The following PCDH7 variants were observed in gnomAD, a reference collection of about 807,000 sequenced individuals.
PCDH7 encodes the protein protocadherin 7.
PCDH7 carries 17 observed loss-of-function variants against 58.9 expected under a neutral mutation model. The ratio of observed to expected loss-of-function variants is 0.29; its 90% CI spans 0.20 to 0.43. The LOEUF (loss-of-function observed/expected upper bound fraction) is 0.43. Ranked by LOEUF, PCDH7 falls within the 20% of genes least tolerant of loss-of-function variation. PCDH7 has a pLI of 1.00. For synonymous variants in PCDH7, 664 were observed against 616.4 expected, an observed-to-expected ratio of 1.08 and a Z score of -1.14; for missense variants, 1,274 against 1,441.0, an observed-to-expected ratio of 0.88 and a Z score of 1.88.
intron 1 of PCDH7, among the ~76,000 whole-genome samples, chr4:30,810,602 C>T (rs955046642): frequency 1.3e-5 from 2 of 149,174 alleles, no homozygotes; most frequent in East Asian, 1.9e-4. Flanking sequence ...TTTTAAAAAA[C>T]GTCTTCTCAT....
At chr4:30,820,845 T>C (rs1195591479) in intron 1 of PCDH7, among the ~76,000 whole-genome samples, 1 of 152,140 alleles carries the variant, frequency 6.6e-6, no homozygotes, top group African/African-American at 2.4e-5. Flanking sequence ...AAATGCAATG[T>C]TCATAAATTA....
chr4:31,102,395 G>C (rs1715004524), intron 3 of PCDH7, among the ~76,000 whole-genome samples: 1 of 151,978 alleles, frequency 6.6e-6, no homozygotes, highest in African/African-American at 2.4e-5. Context: ...TAGATTTAAC[G>C]TGAAAATGAA....
At chr4:30,944,957 A>T (rs2109440640) in intron 2 of PCDH7, among the ~76,000 whole-genome samples, 1 of 152,218 alleles carries the variant, frequency 6.6e-6, no homozygotes, top group East Asian at 1.9e-4. Flanking sequence ...CAATTAAGCA[A>T]AATATTATAC....
At chr4:30,789,109 A>T (rs1025149743) in intron 1 of PCDH7, among the ~76,000 whole-genome samples, 1 of 152,122 alleles carries the variant, frequency 6.6e-6, no homozygotes, top group African/African-American at 2.4e-5. Flanking sequence ...CTGAGGTATA[A>T]GTTATCGTGT....
At chr4:30,949,959 GT>G (rs1747182747) in intron 2 of PCDH7, among the ~76,000 whole-genome samples, 1 of 152,114 alleles carries the variant, frequency 6.6e-6, no homozygotes, top group Non-Finnish European at 1.5e-5. Context: ...ATACTAATTT[GT>G]TTAGATTGTC....
chr4:31,135,748 CAT>C (rs900583996), intron 3 of PCDH7, among the ~76,000 whole-genome samples: 1 of 152,128 alleles, frequency 6.6e-6, no homozygotes, highest in African/African-American at 2.4e-5. Context: ...TATAGTAAAA[CAT>C]ATGAATATTC....
intron 3 of PCDH7, among the ~76,000 whole-genome samples, chr4:31,055,317 T>C (rs28668569): frequency 0.033 from 5,075 of 152,292 alleles, 254 homozygotes; most frequent in African/African-American, 0.11. Context: ...AATGTTAGTG[T>C]ATTTTAATTG....
chr4:31,029,237 A>G (rs925982840), intron 3 of PCDH7, among the ~76,000 whole-genome samples: 10 of 152,242 alleles, frequency 6.6e-5, no homozygotes, highest in African/African-American at 2.2e-4. Flanking sequence ...TTAAAGGCCT[A>G]TAAGTCCATT....
intron 3 of PCDH7, among the ~76,000 whole-genome samples, chr4:31,046,284 T>C (rs1756275482): frequency 6.6e-6 from 1 of 152,012 alleles, no homozygotes; most frequent in Non-Finnish European, 1.5e-5. Flanking sequence ...TTTCACCATA[T>C]TTATACATAT....
downstream of PCDH7, among the ~76,000 whole-genome samples, chr4:30,734,279 C>A (rs982999426): frequency 6.6e-6 from 1 of 150,856 alleles, no homozygotes; most frequent in African/African-American, 2.4e-5. Context: ...ATTGCCCAGG[C>A]TGGAGTGCAG....
chr4:30,746,006 A>C (rs1159213739), intron 1 of PCDH7, among the ~76,000 whole-genome samples: 2 of 151,918 alleles, frequency 1.3e-5, no homozygotes. Context: ...CATCTGGCTA[A>C]TTTTTGTAGA....
intron 1 of PCDH7, among the ~76,000 whole-genome samples, chr4:30,887,524 G>T (rs1016004475): frequency 6.6e-6 from 1 of 152,070 alleles, no homozygotes; most frequent in Admixed American, 6.5e-5. Flanking sequence ...ACAGCAAAAG[G>T]TAGACACACA....
At chr4:30,931,312 G>A (rs550954785) in intron 2 of PCDH7, among the ~76,000 whole-genome samples, 3 of 152,034 alleles carry the variant, frequency 2.0e-5, no homozygotes, top group Admixed American at 1.3e-4. Flanking sequence ...ATGGCGGCTC[G>A]CACCTGTAAT....
chr4:31,116,067 T>G (rs1716948157), intron 3 of PCDH7, among the ~76,000 whole-genome samples: 3 of 152,138 alleles, frequency 2.0e-5, no homozygotes. Context: ...TTAATTAGAT[T>G]TCTACAAGAC....
intron 3 of PCDH7, among the ~76,000 whole-genome samples, chr4:31,056,411 A>G (rs892602345): frequency 8.9e-6 from 1 of 112,672 alleles, no homozygotes; most frequent in East Asian, 2.4e-4. Flanking sequence ...GAAGAAAGAA[A>G]GAAGGAAAGA....
rs185844292 is a variant in PCDH7, at chr4:30,820,666, C to T, written c.70+96070C>T. Among the ~76,000 whole-genome samples, 18 of 151,762 alleles carry T rather than the reference C, an allele frequency of 1.2e-4. No homozygotes were observed. The East Asian group carries it at 3.5e-3, about 29-fold the overall frequency. ...AATATGTAGGTCACAACCATCACAT[C>T]ATATATAAATGATGATCAGACTATA... On this transcript the variant is annotated intron_variant, in intron 1 of 3. Coordinates refer to the PCDH7 transcript ENST00000509759.
chr4:31,116,766 T>C (rs1346967708), intron 3 of PCDH7, among the ~76,000 whole-genome samples: 1 of 152,230 alleles, frequency 6.6e-6, no homozygotes, highest in Non-Finnish European at 1.5e-5. Context: ...TATGTAGCAC[T>C]ATACCATAAA....
rs147751284 is a variant in PCDH7, at chr4:30,887,719, G to A, written c.71-32434G>A. On this transcript the variant is annotated intron_variant, in intron 1 of 3. Coordinates refer to the PCDH7 transcript ENST00000509759. Reference sequence around the variant, plus strand: ...CAAAGGCATGCAAATTCAGTTTTACGTGTGAAGGTTCATACATCAGGACAT... The same window carrying A: ...CAAAGGCATGCAAATTCAGTTTTACATGTGAAGGTTCATACATCAGGACAT... Among the ~76,000 whole-genome samples, 36 of 152,168 alleles carry A rather than the reference G, an allele frequency of 2.4e-4. No homozygotes were observed. The East Asian group carries it at 4.2e-3, about 18-fold the overall frequency.
intron 3 of PCDH7, among the ~76,000 whole-genome samples, chr4:31,046,486 T>G (rs182576345): frequency 6.6e-6 from 1 of 152,094 alleles, no homozygotes; most frequent in African/African-American, 2.4e-5. Context: ...TTGCCATGAC[T>G]CAAATAATCA....
Sources: allele counts gnomAD v4.1 joint callset (sites outside exome capture counted in the v4.1 genomes callset), GRCh38; gene constraint gnomAD v4.1.1; transcripts MANE v1.5; gene names NCBI Gene and HGNC (gene_info 2026-07-23, HGNC 2026-07-21).